HTR1E: variants seen among roughly 807,000 people sequenced by gnomAD.
HTR1E encodes the protein 5-hydroxytryptamine receptor 1E, also known as 5-HT-1E.
A neutral mutation model predicts 3.4 loss-of-function variants in HTR1E; 3 were observed. The observed-to-expected ratio is 0.89, with a 90% CI of 0.41 to 2.31. The LOEUF (loss-of-function observed/expected upper bound fraction) is 2.31. HTR1E is among the 30% of genes most tolerant of loss of function. The probability of loss-of-function intolerance (pLI) is 0.05; values close to 1 mark genes in which losing one functional copy is unlikely to be tolerated. For missense variants in HTR1E, 392 were observed against 467.0 expected (o/e 0.84, Z 1.48); for synonymous variants, 170 against 182.8 (o/e 0.93, Z 0.56).
intron 1 of HTR1E, among the ~76,000 whole-genome samples, chr6:86,988,696 A>ACAAG (rs1767830751): frequency 1.3e-5 from 2 of 152,170 alleles, no homozygotes; most frequent in Non-Finnish European, 2.9e-5. Flanking sequence ...TGCTGTCTAT[A>ACAAG]CAAGCATCCT....
At chr6:86,980,396 A>AG (rs1767695664) in intron 1 of HTR1E, among the ~76,000 whole-genome samples, 1 of 151,864 alleles carries the variant, frequency 6.6e-6, no homozygotes, top group Non-Finnish European at 1.5e-5. Context: ...CAAAAAAAAA[A>AG]AAAAGAAAAA....
chr6:86,957,587 A>G (rs999804496), intron 1 of HTR1E, among the ~76,000 whole-genome samples: 3 of 152,214 alleles, frequency 2.0e-5, no homozygotes, highest in African/African-American at 7.2e-5. Context: ...CTGAGCCCCA[A>G]CATCTCAGTC....
At chr6:86,996,091 T>C (rs1767936644) in intron 1 of HTR1E, among the ~76,000 whole-genome samples, 1 of 152,004 alleles carries the variant, frequency 6.6e-6, no homozygotes, top group Admixed American at 6.6e-5. Flanking sequence ...AAAAGGAGTA[T>C]AAAGGAAACC....
At chr6:87,007,345 G>A (rs1768128229) in intron 1 of HTR1E, among the ~76,000 whole-genome samples, 1 of 152,078 alleles carries the variant, frequency 6.6e-6, no homozygotes, top group African/African-American at 2.4e-5. Flanking sequence ...TGCAGGGGGT[G>A]GAGAGAATGG....
intron 1 of HTR1E, among the ~76,000 whole-genome samples, chr6:86,940,985 C>T (rs1164721902): frequency 6.6e-6 from 1 of 152,212 alleles, no homozygotes; most frequent in Non-Finnish European, 1.5e-5. Context: ...CCCAGGGAAA[C>T]ATTGAAGATG....
intron 1 of HTR1E, among the ~76,000 whole-genome samples, chr6:87,003,991 T>C (rs1582281474): frequency 6.6e-6 from 1 of 152,226 alleles, no homozygotes; most frequent in Middle Eastern, 3.4e-3. Context: ...TATATGCCAA[T>C]AAACTGGAAA....
At chr6:86,963,389 T>A (rs914966599) in intron 1 of HTR1E, among the ~76,000 whole-genome samples, 1 of 152,210 alleles carries the variant, frequency 6.6e-6, no homozygotes, top group Non-Finnish European at 1.5e-5. Context: ...AAAATTTAAA[T>A]ACTTATAAAG....
chr6:86,998,990 C>G (rs569368560), intron 1 of HTR1E, among the ~76,000 whole-genome samples: 3 of 152,112 alleles, frequency 2.0e-5, no homozygotes, highest in Non-Finnish European at 4.4e-5. Context: ...AACAGAGTCT[C>G]GCCCTGTCAC....
At chr6:86,979,276 A>C (rs1767679462) in intron 1 of HTR1E, among the ~76,000 whole-genome samples, 1 of 152,246 alleles carries the variant, frequency 6.6e-6, no homozygotes, top group South Asian at 2.1e-4. Flanking sequence ...ATCAACTTCC[A>C]GTTCAATAGG....
chr6:86,992,134 C>T (rs1248437593), intron 1 of HTR1E, among the ~76,000 whole-genome samples: 4 of 152,152 alleles, frequency 2.6e-5, no homozygotes, highest in South Asian at 2.1e-4. Flanking sequence ...CTCAACCACC[C>T]GCTTGCCTTT....
chr6:87,008,630 G>A (rs1372616508), intron 1 of HTR1E, among the ~76,000 whole-genome samples: 1 of 152,178 alleles, frequency 6.6e-6, no homozygotes, highest in African/African-American at 2.4e-5. Flanking sequence ...GTGAGTGTTG[G>A]CTCTTCCTAG....
chr6:86,955,954 T>C (rs563532508), intron 1 of HTR1E, among the ~76,000 whole-genome samples: 11 of 151,964 alleles, frequency 7.2e-5, no homozygotes, highest in Admixed American at 2.0e-4. Context: ...CCTGAAAAAC[T>C]AGTTCAGGCC....
At chr6:87,000,489 A>T (rs1368510748) in intron 1 of HTR1E, among the ~76,000 whole-genome samples, 2 of 152,152 alleles carry the variant, frequency 1.3e-5, no homozygotes, top group Non-Finnish European at 2.9e-5. Flanking sequence ...TTTTGAAAGG[A>T]CTCTAAAAGC....
intron 1 of HTR1E, among the ~76,000 whole-genome samples, chr6:86,980,398 A>G (rs1767695724): frequency 6.6e-6 from 1 of 151,786 alleles, no homozygotes; most frequent in African/African-American, 2.4e-5. Flanking sequence ...AAAAAAAAAA[A>G]AAGAAAAAAA....
intron 1 of HTR1E, among the ~76,000 whole-genome samples, chr6:87,005,943 T>C (rs1370525116): frequency 6.6e-6 from 1 of 152,130 alleles, no homozygotes; most frequent in Non-Finnish European, 1.5e-5. Flanking sequence ...AATACACATT[T>C]CTCAAAAGAA....
At chr6:86,980,297 G>C (rs1431841425) in intron 1 of HTR1E, among the ~76,000 whole-genome samples, 1 of 151,634 alleles carries the variant, frequency 6.6e-6, no homozygotes, top group Non-Finnish European at 1.5e-5. Context: ...TGAGGCAGGA[G>C]AATGGTGTGA....
At chr6:87,013,690 A>G (rs932129454) in intron 1 of HTR1E, among the ~76,000 whole-genome samples, 2 of 152,070 alleles carry the variant, frequency 1.3e-5, no homozygotes, top group African/African-American at 4.8e-5. Flanking sequence ...TTTTATATAT[A>G]AACATGTATA....
chr6:86,949,697 ATTT>A (rs1767199848), intron 1 of HTR1E, among the ~76,000 whole-genome samples: 1 of 152,080 alleles, frequency 6.6e-6, no homozygotes, highest in Non-Finnish European at 1.5e-5. Flanking sequence ...AAAAATTATG[ATTT>A]TTATTATAAT....
At chr6:86,999,717 G>C (rs1487019006) in intron 1 of HTR1E, among the ~76,000 whole-genome samples, 2 of 152,240 alleles carry the variant, frequency 1.3e-5, no homozygotes, top group South Asian at 2.1e-4. Context: ...TAGCGCTTGG[G>C]AAATGCAATC....
Sources: allele counts gnomAD v4.1 joint callset (sites outside exome capture counted in the v4.1 genomes callset), GRCh38; gene constraint gnomAD v4.1.1; transcripts MANE v1.5; gene names NCBI Gene and HGNC (gene_info 2026-07-23, HGNC 2026-07-21).